The following MAGI1 variants were observed in gnomAD, a reference collection of about 807,000 sequenced individuals.
MAGI1 encodes membrane-associated guanylate kinase, WW and PDZ domain-containing protein 1.
Under a neutral mutation model 139.9 loss-of-function variants are expected in MAGI1, and 58 were observed. The ratio of observed to expected loss-of-function variants is 0.41; its 90% confidence interval spans 0.34 to 0.52. MAGI1 has a LOEUF of 0.52. Among genes scored for constraint, MAGI1 ranks in the 20% least tolerant of loss-of-function variants. MAGI1 has a pLI of 0.12. For synonymous variants in MAGI1, 812 were observed against 737.9 expected (o/e 1.10, Z -1.63); for missense variants, 1,874 against 1,901.6 (o/e 0.99, Z 0.27).
chr3:65,368,673 C>G (rs565559425), intron 18 of MAGI1, among the ~76,000 whole-genome samples: 1 of 152,104 alleles, frequency 6.6e-6, no homozygotes, highest in African/African-American at 2.4e-5. Context: ...TATCTAAGGG[C>G]GGCATGGGGA....
At chr3:65,814,587 GT>G (rs1243405361) in intron 1 of MAGI1, among the ~76,000 whole-genome samples, 4 of 152,052 alleles carry the variant, frequency 2.6e-5, no homozygotes, top group Non-Finnish European at 4.4e-5. Context: ...GTTTTGTTTT[GT>G]TTTTCAGCTA....
chr3:65,833,966 T>C (rs925468392), intron 1 of MAGI1, among the ~76,000 whole-genome samples: 3 of 152,220 alleles, frequency 2.0e-5, no homozygotes, highest in African/African-American at 7.2e-5. Flanking sequence ...TGACTAGCTA[T>C]GTAACAGAAA....
intron 2 of MAGI1, among the ~76,000 whole-genome samples, chr3:65,549,233 C>T (rs2079688600): frequency 6.6e-6 from 1 of 152,220 alleles, no homozygotes; most frequent in South Asian, 2.1e-4. Context: ...GCAAGTGCAG[C>T]GCGTTCCAGC....
At chr3:65,545,303 A>AAGAG (rs919308912) in intron 2 of MAGI1, among the ~76,000 whole-genome samples, 1 of 150,968 alleles carries the variant, frequency 6.6e-6, no homozygotes, top group African/African-American at 2.4e-5. Flanking sequence ...GGTTCAGCCA[A>AAGAG]AGAGAGAGAG....
chr3:65,523,335 G>A (rs904955025), intron 2 of MAGI1, among the ~76,000 whole-genome samples: 9 of 150,802 alleles, frequency 6.0e-5, no homozygotes, highest in Admixed American at 5.3e-4. Context: ...TCAACAGAGG[G>A]TTACTGGAGT....
intron 1 of MAGI1, among the ~76,000 whole-genome samples, chr3:65,870,468 C>T (rs759938409): frequency 2.6e-5 from 4 of 151,834 alleles, no homozygotes; most frequent in African/African-American, 2.4e-5. Flanking sequence ...CCCCTGGCCC[C>T]GGCTCCATGA....
chr3:65,477,244 C>A (rs1440703150), intron 4 of MAGI1, among the ~76,000 whole-genome samples: 1 of 152,150 alleles, frequency 6.6e-6, no homozygotes, highest in Admixed American at 6.5e-5. Context: ...CTGAGCTTAG[C>A]TAATAAATTT....
At chr3:65,733,137 C>T (rs867815155) in intron 1 of MAGI1, among the ~76,000 whole-genome samples, 1 of 152,152 alleles carries the variant, frequency 6.6e-6, no homozygotes, top group Non-Finnish European at 1.5e-5. Flanking sequence ...TGGCTCACTG[C>T]AACCTCCGCC....
chr3:65,904,901 G>C (rs931545039), intron 1 of MAGI1, among the ~76,000 whole-genome samples: 2 of 152,092 alleles, frequency 1.3e-5, no homozygotes, highest in African/African-American at 4.8e-5. Flanking sequence ...TCTTTGGACA[G>C]CATTTGGAGA....
At chr3:65,529,112 A>T (rs2078516994) in intron 2 of MAGI1, among the ~76,000 whole-genome samples, 1 of 138,054 alleles carries the variant, frequency 7.2e-6, no homozygotes, top group African/African-American at 3.0e-5. Context: ...CCTAATTGGT[A>T]AATATTCTTT....
chr3:65,687,141 C>T (rs2088117182), intron 1 of MAGI1, among the ~76,000 whole-genome samples: 1 of 152,130 alleles, frequency 6.6e-6, no homozygotes, highest in South Asian at 2.1e-4. Context: ...CACCTGAAAT[C>T]CAAGCTATCT....
intron 2 of MAGI1, among the ~76,000 whole-genome samples, chr3:65,599,078 G>T (rs574274561): frequency 6.6e-6 from 1 of 152,236 alleles, no homozygotes; most frequent in African/African-American, 2.4e-5. Context: ...AACTTGGACA[G>T]GAGGAGATAA....
chr3:65,820,155 G>T (rs947013435), intron 1 of MAGI1, among the ~76,000 whole-genome samples: 3 of 151,798 alleles, frequency 2.0e-5, no homozygotes, highest in Non-Finnish European at 2.9e-5. Flanking sequence ...CACAAGCAAG[G>T]TTTCAAAGTG....
At chr3:65,701,980 G>A (rs544573722) in intron 1 of MAGI1, among the ~76,000 whole-genome samples, 2 of 152,112 alleles carry the variant, frequency 1.3e-5, no homozygotes, top group Admixed American at 6.5e-5. Flanking sequence ...TATATTCCCC[G>A]ACGCTTGTTA....
At chr3:65,503,648 T>C (rs2077169796) in intron 2 of MAGI1, among the ~76,000 whole-genome samples, 1 of 152,222 alleles carries the variant, frequency 6.6e-6, no homozygotes, top group Non-Finnish European at 1.5e-5. Flanking sequence ...GGAAGAACAC[T>C]GTGTGATGAA....
chr3:66,034,924 A>C (rs970711696), intron 1 of MAGI1, among the ~76,000 whole-genome samples: 3 of 152,182 alleles, frequency 2.0e-5, no homozygotes, highest in African/African-American at 7.2e-5. Context: ...ACTGGACAGG[A>C]ACATGAGAAA....
Position 65,433,939 on chromosome 3 carries a change from C to T in MAGI1, c.1364-3058G>A, listed in dbSNP as rs151265196. Among the ~76,000 whole-genome samples the T allele has an allele frequency of 6.8e-3, 1,028 of 152,162 alleles. 13 individuals carry two copies. The highest frequency in any genetic ancestry group is 0.023 in the African/African-American group (975 of 41,512). On this transcript the variant is annotated intron_variant, in intron 10 of 22. Transcript: ENST00000402939. ...CCACTAGTCACATGTAGCCACTGAG[C>T]CCTTGAAATATGGCTAGTGAGACAG...
intron 1 of MAGI1, among the ~76,000 whole-genome samples, chr3:65,673,147 T>C (rs1210140908): frequency 1.3e-5 from 2 of 152,156 alleles, no homozygotes; most frequent in Admixed American, 1.3e-4. Flanking sequence ...ATTCGATGAC[T>C]GAAGTTTTAC....
intron 1 of MAGI1, among the ~76,000 whole-genome samples, chr3:65,787,783 T>TAG (rs2039499329): frequency 6.6e-6 from 1 of 152,034 alleles, no homozygotes; most frequent in Non-Finnish European, 1.5e-5. Flanking sequence ...CGCTGAATGT[T>TAG]AGGAGCCGTT....
Sources: gnomAD v4.1 joint callset for allele counts (sites outside exome capture counted in the v4.1 genomes callset) on GRCh38, gnomAD v4.1.1 for gene constraint, MANE v1.5 for transcripts, NCBI Gene and HGNC (gene_info 2026-07-23, HGNC 2026-07-21) for gene names.